Variants in RBPMS observed in about 807,000 individuals in gnomAD.
The protein encoded by RBPMS is RNA binding protein, mRNA processing factor.
Under a neutral mutation model 26.8 loss-of-function variants are expected in RBPMS, and 7 were observed. That is an observed-to-expected ratio of 0.26 (90% CI 0.15 to 0.49). RBPMS has a LOEUF of 0.49. Ranked by LOEUF, RBPMS falls within the 20% of genes least tolerant of loss-of-function variation. The pLI, the probability that RBPMS is intolerant of heterozygous loss-of-function variation, is 0.98. For missense variants in RBPMS, 186 were observed against 250.0 expected (o/e 0.74, Z 1.73); for synonymous variants, 96 against 93.3 (o/e 1.03, Z -0.17).
In RBPMS at chr8:30,477,661, G is replaced by A. The variant is rs530497395; in HGVS notation, c.145-138G>A. 7 of 618,320 alleles carry A rather than the reference G, an allele frequency of 1.1e-5. No homozygotes were observed. In the South Asian group the frequency reaches 1.4e-4, roughly 13 times the overall value. The allele number at this position is 618,320 out of a possible 1,614,324, so 38.3% of individuals were successfully genotyped here. ...TGTGTGTGCACATGCACATGCATGT[G>A]TGTAATTTGCTTTCCCAGATAACTT... On this transcript the variant is annotated intron_variant, in intron 2 of 8. Coordinates refer to ENST00000397323, the MANE Select transcript of RBPMS (RefSeq NM_001008710.3).
At chr8:30,477,729 T>C (rs1334000585) in intron 2 of RBPMS, 70 bp from the exon 3 acceptor site, 2 of 1,115,946 alleles carry the variant, frequency 1.8e-6, no homozygotes, top group African/African-American at 3.1e-5. Context: ...ATAAAGAACT[T>C]ATTTTTACAT....
intron 6 of RBPMS, among the ~76,000 whole-genome samples, chr8:30,557,903 T>C (rs1827097920): frequency 6.6e-6 from 1 of 152,364 alleles, no homozygotes; most frequent in South Asian, 2.1e-4. Context: ...TTTCATTCAT[T>C]GCCCAGAATG....
At chr8:30,454,497 T>G (rs1420679756) in intron 1 of RBPMS, among the ~76,000 whole-genome samples, 1 of 152,222 alleles carries the variant, frequency 6.6e-6, no homozygotes, top group Non-Finnish European at 1.5e-5. Context: ...ACATTAAACT[T>G]GTGAGTGTGC....
rs1181705539 is a variant in RBPMS, at chr8:30,549,772, T to TTCTCTCTCTCTCTCTCTCTCTCTC, written c.528+5149_528+5172dup. Among the ~76,000 whole-genome samples the TTCTCTCTCTCTCTCTCTCTCTCTC allele has an allele frequency of 1.3e-3, 90 of 71,202 alleles. 2 individuals are homozygous for TTCTCTCTCTCTCTCTCTCTCTCTC. The highest frequency in any genetic ancestry group is 6.3e-3 in the African/African-American group (84 of 13,308). The allele number at this position is 71,202 out of a possible 152,430, so 46.7% of individuals were successfully genotyped here. On this transcript the variant is annotated intron_variant, in intron 6 of 8. Coordinates refer to ENST00000397323, the MANE Select transcript of RBPMS (RefSeq NM_001008710.3). ...TTTCCTTTTCTTTTCTTTTCTTTTC[T>TTCTCTCTCTCTCTCTCTCTCTCTC]TCTCTCTCTCTCTCTCTCTCTCTCC...
chr8:30,496,447 C>T (rs1187886571), intron 4 of RBPMS, among the ~76,000 whole-genome samples: 5 of 152,204 alleles, frequency 3.3e-5, no homozygotes, highest in East Asian at 1.9e-4. Context: ...GGATTACAGG[C>T]GTGAGCCACC....
chr8:30,410,143 T>TACACACACAC lies in RBPMS; in HGVS notation c.66+25024_66+25033dup, dbSNP rs34489233. On this transcript the variant is annotated intron_variant, in intron 1 of 8. Coordinates refer to ENST00000397323, the MANE Select transcript of RBPMS (RefSeq NM_001008710.3). ...AGCTTACATTCTGGGTGACTTAAAA[T>TACACACACAC]ACACACACACACACACACACACACA... is the stretch of plus-strand genomic sequence containing the variant. 7.4e-3 allele frequency among the ~76,000 whole-genome samples: 977 copies of TACACACACAC among 132,186 alleles called. 8 individuals carry two copies. The highest frequency in any genetic ancestry group is 0.01 in the Non-Finnish European group (633 of 62,052). 86.7% of individuals were successfully genotyped at this position (132,186 alleles called of 152,430 possible). A position where few individuals can be genotyped will look rare whatever the true frequency, so the allele number is the denominator to read the frequency against.
intron 1 of RBPMS, among the ~76,000 whole-genome samples, chr8:30,389,724 T>C (rs1317996840): frequency 6.6e-6 from 1 of 152,232 alleles, no homozygotes; most frequent in East Asian, 1.9e-4. Flanking sequence ...ATTGTATAAT[T>C]CTGGAAGGGG....
chr8:30,419,852 A>G (rs1166873930), intron 1 of RBPMS, among the ~76,000 whole-genome samples: 2 of 152,206 alleles, frequency 1.3e-5, no homozygotes, highest in Non-Finnish European at 2.9e-5. Flanking sequence ...CATAATAAAA[A>G]ACAGATACCA....
chr8:30,556,185 G>A (rs1363250330), intron 6 of RBPMS: 6 of 985,264 alleles, frequency 6.1e-6, no homozygotes, highest in South Asian at 4.7e-5. Flanking sequence ...TCCGCCACCC[G>A]CCACCACATC....
At chr8:30,423,429 G>A (rs892468629) in intron 1 of RBPMS, among the ~76,000 whole-genome samples, 1 of 152,174 alleles carries the variant, frequency 6.6e-6, no homozygotes, top group Non-Finnish European at 1.5e-5. Context: ...GGGACAGTGA[G>A]GGCTGGGCTG....
rs370037831 is a variant in RBPMS at position 30,566,411 on chromosome 8, C to T, written c.*111+51C>T. 7.7e-5 allele frequency: 45 copies of T among 585,234 alleles called. No homozygotes were observed. The East Asian group carries it at 3.6e-3, about 46-fold the overall frequency. 36.3% of individuals were successfully genotyped at this position (585,234 alleles called of 1,614,324 possible). A position where few individuals can be genotyped will look rare whatever the true frequency, so the allele number is the denominator to read the frequency against. On this transcript the variant is annotated intron_variant, in intron 8 of 8. Coordinates refer to ENST00000397323, the MANE Select transcript of RBPMS (RefSeq NM_001008710.3). ...GCCCTCAGGGGCGGCATGGCGAACA[C>T]GTGGGAACTGTGGGCCTCTGGGGGT...
intron 5 of RBPMS, among the ~76,000 whole-genome samples, chr8:30,525,848 A>G (rs1338256416): frequency 2.0e-5 from 3 of 152,222 alleles, no homozygotes; most frequent in South Asian, 2.1e-4. Flanking sequence ...GCCCTGACCA[A>G]TTACTCTGAG....
At chr8:30,419,875 A>G (rs935578115) in intron 1 of RBPMS, among the ~76,000 whole-genome samples, 4 of 152,212 alleles carry the variant, frequency 2.6e-5, no homozygotes, top group Non-Finnish European at 5.9e-5. Context: ...CTTGACAGCA[A>G]TGAAAAACAA....
intron 4 of RBPMS, among the ~76,000 whole-genome samples, chr8:30,487,696 A>G (rs957229004): frequency 3.9e-5 from 6 of 152,096 alleles, no homozygotes; most frequent in East Asian, 3.8e-4. Context: ...TATGTAATAC[A>G]TAATAAATAT....
intron 5 of RBPMS, among the ~76,000 whole-genome samples, chr8:30,536,477 C>T (rs1245019871): frequency 6.6e-6 from 1 of 152,116 alleles, no homozygotes; most frequent in Non-Finnish European, 1.5e-5. Flanking sequence ...GCAGCAATTT[C>T]AATTTCATTG....
At chr8:30,482,167 A>C (rs896908806) in intron 4 of RBPMS, among the ~76,000 whole-genome samples, 1 of 152,236 alleles carries the variant, frequency 6.6e-6, no homozygotes, top group African/African-American at 2.4e-5. Context: ...GATCCAACAT[A>C]TTAGGCTCTT....
chr8:30,477,670 G>A, intron 2 of RBPMS, 129 bp from the exon 3 acceptor site: 1 of 636,778 alleles, frequency 1.6e-6, no homozygotes, highest in South Asian at 1.9e-5. Flanking sequence ...TGTGTAATTT[G>A]CTTTCCCAGA....
intron 1 of RBPMS, among the ~76,000 whole-genome samples, chr8:30,466,074 C>A (rs549678155): frequency 1.1e-3 from 161 of 152,272 alleles, no homozygotes; most frequent in African/African-American, 3.7e-3. Context: ...GGCAAAGGGA[C>A]CCTGGTTTCC....
intron 5 of RBPMS, among the ~76,000 whole-genome samples, chr8:30,519,521 T>C (rs900960717): frequency 1.4e-4 from 18 of 124,768 alleles, no homozygotes; most frequent in African/African-American, 5.5e-4. Context: ...TCTCACTGTG[T>C]TGCCCAGGCT....
Sources: allele counts gnomAD v4.1 joint callset (sites outside exome capture counted in the v4.1 genomes callset), GRCh38; gene constraint gnomAD v4.1.1; transcripts MANE v1.5; gene names NCBI Gene and HGNC (gene_info 2026-07-23, HGNC 2026-07-21).